LINGO2: variants seen among roughly 807,000 people sequenced by gnomAD.
LINGO2 encodes the protein leucine rich repeat and Ig domain containing 2.
In LINGO2, 14 loss-of-function variants were observed where a neutral mutation model predicts 30.6. The observed-to-expected ratio is 0.46, with a 90% CI of 0.30 to 0.72. LINGO2 has a LOEUF of 0.72. Among genes scored for constraint, LINGO2 ranks in the 30% least tolerant of loss-of-function variants. The pLI, the probability that LINGO2 is intolerant of heterozygous loss-of-function variation, is 0.07. For synonymous variants in LINGO2, 317 were observed against 288.5 expected, an observed-to-expected ratio of 1.10 and a Z score of -1.00; for missense variants, 729 against 751.7, an observed-to-expected ratio of 0.97 and a Z score of 0.35.
the LINGO2 span, among the ~76,000 whole-genome samples, chr9:29,063,996 T>C: frequency 6.6e-6 from 1 of 152,136 alleles, no homozygotes; most frequent in African/African-American, 2.4e-5. Flanking sequence ...TGGCCATCCT[T>C]CATCTTCAAA....
the LINGO2 span, among the ~76,000 whole-genome samples, chr9:28,994,472 C>T: frequency 2.0e-5 from 3 of 151,126 alleles, no homozygotes; most frequent in Non-Finnish European, 2.9e-5. Context: ...CAATGCCATC[C>T]CCATCAAGCT....
At chr9:28,432,513 A>C (rs927392692) in intron 2 of LINGO2, among the ~76,000 whole-genome samples, 26 of 152,062 alleles carry the variant, frequency 1.7e-4, no homozygotes, top group African/African-American at 6.3e-4. Context: ...TATTGCTCAG[A>C]GTGGCAACTA....
At chr9:28,245,924 C>T (rs1821981063) in intron 4 of LINGO2, among the ~76,000 whole-genome samples, 1 of 151,798 alleles carries the variant, frequency 6.6e-6, no homozygotes, top group African/African-American at 2.4e-5. Context: ...ACATTCTTCA[C>T]AGAATTAGAA....
chr9:28,653,007 T>C (rs895241745), intron 1 of LINGO2, among the ~76,000 whole-genome samples: 65 of 152,248 alleles, frequency 4.3e-4, no homozygotes, highest in African/African-American at 1.5e-3. Context: ...CAAGGATTAA[T>C]ATATTATCTA....
intron 2 of LINGO2, among the ~76,000 whole-genome samples, chr9:28,378,166 C>T (rs979474978): frequency 6.6e-6 from 1 of 152,176 alleles, no homozygotes; most frequent in South Asian, 2.1e-4. Context: ...GATAAAATTC[C>T]TCAGACAGAA....
intron 2 of LINGO2, among the ~76,000 whole-genome samples, chr9:28,417,818 G>C (rs1433207884): frequency 6.6e-6 from 1 of 152,150 alleles, no homozygotes; most frequent in African/African-American, 2.4e-5. Context: ...TATCTTGAAA[G>C]TAAAGACTCA....
the LINGO2 span, among the ~76,000 whole-genome samples, chr9:28,995,937 G>C: frequency 1.3e-5 from 2 of 151,722 alleles, no homozygotes; most frequent in African/African-American, 4.8e-5. Context: ...GAGTTAATGG[G>C]TGCAGCACAC....
intron 4 of LINGO2, among the ~76,000 whole-genome samples, chr9:28,126,907 A>G (rs553871703): frequency 3.3e-4 from 51 of 152,350 alleles, no homozygotes; most frequent in African/African-American, 1.2e-3. Context: ...TCTTCATGAA[A>G]GCATTACAGA....
At chr9:28,024,156 C>G (rs1186339372) in intron 4 of LINGO2, among the ~76,000 whole-genome samples, 2 of 152,152 alleles carry the variant, frequency 1.3e-5, no homozygotes, top group Non-Finnish European at 2.9e-5. Context: ...GGAAATGGCC[C>G]TTTCTGAGAA....
intron 2 of LINGO2, among the ~76,000 whole-genome samples, chr9:28,433,923 T>TTCTCTCTCTCTCTCTCTCTC (rs146254758): frequency 9.1e-6 from 1 of 109,932 alleles, no homozygotes; most frequent in South Asian, 3.0e-4. Context: ...TGCTCTCTCT[T>TTCTCTCTCTCTCTCTCTCTC]TCTCTCTCTC....
At chr9:28,038,785 A>G (rs1824065331) in intron 4 of LINGO2, among the ~76,000 whole-genome samples, 1 of 152,210 alleles carries the variant, frequency 6.6e-6, no homozygotes, top group Non-Finnish European at 1.5e-5. Flanking sequence ...AACAAAATGT[A>G]CATTCAAAGA....
intron 1 of LINGO2, among the ~76,000 whole-genome samples, chr9:28,547,209 T>C (rs1821994978): frequency 6.6e-6 from 1 of 152,148 alleles, no homozygotes; most frequent in Non-Finnish European, 1.5e-5. Context: ...CCTGTATTAC[T>C]ACTATGTGAA....
chr9:29,195,362 TGG>T, the LINGO2 span, among the ~76,000 whole-genome samples: 1 of 148,522 alleles, frequency 6.7e-6, no homozygotes, highest in Non-Finnish European at 1.5e-5. Context: ...TGTGTGTGTG[TGG>T]GTGTGTGTGT....
the LINGO2 span, among the ~76,000 whole-genome samples, chr9:28,817,051 C>G: frequency 6.6e-6 from 1 of 152,218 alleles, no homozygotes; most frequent in Middle Eastern, 3.4e-3. Flanking sequence ...TTTTACCTAG[C>G]ATGGCAATAT....
the LINGO2 span, among the ~76,000 whole-genome samples, chr9:29,170,284 C>G: frequency 6.6e-6 from 1 of 152,038 alleles, no homozygotes; most frequent in African/African-American, 2.4e-5. Context: ...AAGAATAAAA[C>G]TATGTATTTT....
At chr9:28,461,596 AAGAT>A (rs1334631419) in intron 2 of LINGO2, among the ~76,000 whole-genome samples, 1 of 152,186 alleles carries the variant, frequency 6.6e-6, no homozygotes. Flanking sequence ...GATGTCCTGA[AAGAT>A]AGGGCTCACT....
chr9:28,006,699 CTT>C (rs535217748), intron 5 of LINGO2, among the ~76,000 whole-genome samples: 79 of 152,196 alleles, frequency 5.2e-4, no homozygotes, highest in African/African-American at 1.8e-3. Context: ...GATGAAAACT[CTT>C]TTAGGGAACA....
intron 4 of LINGO2, among the ~76,000 whole-genome samples, chr9:28,095,589 C>T (rs1024447293): frequency 1.8e-4 from 28 of 151,886 alleles, no homozygotes; most frequent in African/African-American, 6.8e-4. Context: ...AAACATTAGA[C>T]CTAAAACCAT....
At chr9:28,671,431 C>A (rs1588052454), upstream of LINGO2, among the ~76,000 whole-genome samples, 1 of 133,798 alleles carries the variant, frequency 7.5e-6, no homozygotes, top group African/African-American at 2.7e-5. Flanking sequence ...CATATCAACA[C>A]AAAATTCTAT....
Sources: gnomAD v4.1 joint callset for allele counts (sites outside exome capture counted in the v4.1 genomes callset) on GRCh38, gnomAD v4.1.1 for gene constraint, MANE v1.5 for transcripts, NCBI Gene and HGNC (gene_info 2026-07-23, HGNC 2026-07-21) for gene names.